The following INSRR variants were observed in gnomAD, a reference collection of about 807,000 sequenced individuals.
INSRR encodes insulin receptor-related protein.
In INSRR, 114 loss-of-function variants were observed where a neutral mutation model predicts 130.0. The ratio of observed to expected loss-of-function variants is 0.88; its 90% CI spans 0.75 to 1.02. The LOEUF is 1.02. Among genes scored for constraint, INSRR ranks in the 50% least tolerant of loss-of-function variants. INSRR has a pLI of 0.00. For missense variants in INSRR, 1,657 were observed against 1,735.2 expected, an observed-to-expected ratio of 0.95 and a Z score of 0.80; for synonymous variants, 674 against 705.2, an observed-to-expected ratio of 0.96 and a Z score of 0.70.
Position 156,843,120 on chromosome 1 carries a change from C to T in INSRR, c.3010G>A (p.Gly1004Arg). 6.2e-7 allele frequency: 1 copy of T among 1,614,180 alleles called. No homozygotes were observed. Among genetic ancestry groups the T allele is most frequent in the Non-Finnish European group, 8.5e-7 (1 of 1,180,026 alleles). ...YEGLARGLEA[G>R]EESTPVALKT... ...AGGGCCACGGGTGTGGACTCCTCTC[C>T]AGCCTCAAGTCCTCGTGCCAGCCCC... is the stretch of plus-strand genomic sequence containing the variant. The change falls in exon 17 of 22, where the codon GGA becomes AGA. Residue 1004 changes from glycine to arginine, a missense_variant. Transcript: ENST00000368195.
At chr1:156,843,918 A>T (rs1035776067) in intron 15 of INSRR, among the ~76,000 whole-genome samples, 3 of 152,230 alleles carry the variant, frequency 2.0e-5, no homozygotes, top group African/African-American at 7.2e-5. Context: ...GGTGACCAAC[A>T]ATCCCAGTGT....
rs753459667 is a variant in INSRR at position 156,840,965 on chromosome 1, C to T, written c.3802G>A (p.Ala1268Thr). ...SFYYSPECRG[A>T]RGSLPTTDAE... Reference sequence around the variant, plus strand: ...TCGGTGGTAGGCAGGGAGCCCCGGGCCCCCCGGCATTCCGGGCTGTAGTAG... The same window carrying T: ...TCGGTGGTAGGCAGGGAGCCCCGGGTCCCCCGGCATTCCGGGCTGTAGTAG... The change falls in exon 22 of 22, where the codon GCC becomes ACC. Residue 1268 changes from alanine to threonine, a missense_variant. Transcript: ENST00000368195. 1.5e-5 allele frequency: 25 copies of T among 1,613,230 alleles called. No individual in the cohort carries two copies. Among genetic ancestry groups the T allele is most frequent in the South Asian group, 3.3e-5 (3 of 90,966 alleles).
At chr1:156,847,436 C>T (rs1161168480) in intron 7 of INSRR, among the ~76,000 whole-genome samples, 2 of 152,042 alleles carry the variant, frequency 1.3e-5, no homozygotes, top group Non-Finnish European at 2.9e-5. Flanking sequence ...GGGGAGATGA[C>T]AGTGGGCCCC....
At position 156,848,946 on chromosome 1, in the gene INSRR, T is replaced by C; in HGVS notation, c.1546A>G (p.Ser516Gly). ...GACTCCTTGTAGTACACGATGAAGC[T>C]GAGCAGGTCGCGGGCCTCCAGTGGC... ...YEPLEARDLLSFIVYYKESPF... is the reference protein window; with the variant it reads ...YEPLEARDLLGFIVYYKESPF... Residue 516 changes from serine to glycine, a missense_variant, in exon 7 of 22, where the codon AGC (serine) becomes GGC (glycine). By Grantham distance (56) the Ser-to-Gly change is moderately conservative (BLOSUM62 0). Transcript: ENST00000368195. 6.3e-7 allele frequency: 1 copy of C among 1,592,328 alleles called. No individual in the cohort carries two copies. The highest frequency in any genetic ancestry group is 1.1e-5 in the South Asian group (1 of 87,688).
At position 156,845,058 on chromosome 1, in the gene INSRR, T is replaced by A. The variant is rs1208253231; in HGVS notation, c.2437+18A>T. ...GGGTCGGTGATGGGGGTAGAAGGTGTGTGTGTGGATCACCTACTGTGGGGC... is the reference window on the plus strand; with the variant it reads ...GGGTCGGTGATGGGGGTAGAAGGTGAGTGTGTGGATCACCTACTGTGGGGC... On this transcript the variant is annotated intron_variant, in intron 12 of 21. Coordinates refer to ENST00000368195, the MANE Select transcript of INSRR (RefSeq NM_014215.3). 6.3e-7 allele frequency: 1 copy of A among 1,594,026 alleles called. No homozygotes were observed. Among genetic ancestry groups the A allele is most frequent in the Non-Finnish European group, 8.5e-7 (1 of 1,171,016 alleles).
At chr1:156,848,872 T>G in intron 7 of INSRR, 49 bp downstream of exon 7, 1 of 1,535,076 alleles carries the variant, frequency 6.5e-7, no homozygotes, top group South Asian at 1.2e-5. Context: ...CCGAAGAAAT[T>G]GGCCTCGTCC....
chr1:156,851,725 G>A lies in INSRR; in HGVS notation c.1005C>T (p.Ile335=). The A allele has an allele frequency of 2.5e-6, 4 of 1,614,176 alleles. No individual in the cohort carries two copies. Among genetic ancestry groups the A allele is most frequent in the Admixed American group, 1.7e-5 (1 of 60,022 alleles). The change falls in exon 4 of 22, where the codon ATC becomes ATT. Residue 335 remains isoleucine, a synonymous_variant. Transcript: ENST00000368195. ...GATCCTGTGCCGCCTGGATGGAGTC[G>A]ATGGTCTTGGTGCCTACCTTGCACT... ...PKECKVGTKT[I]DSIQAAQDLV... is the part of the protein sequence containing the mutation.
intron 12 of INSRR, 107 bp downstream of exon 12, chr1:156,844,969 C>T (rs533050574): frequency 6.5e-7 from 1 of 1,540,260 alleles, no homozygotes; most frequent in Non-Finnish European, 8.8e-7. Context: ...CTGAGAGGGG[C>T]AAGCAAAGCG....
Position 156,846,119 on chromosome 1 carries a change from G to A in INSRR, c.1811C>T (p.Ala604Val), listed in dbSNP as rs1425695953. The change falls in exon 9 of 22, where the codon GCT becomes GTT. Residue 604 changes from alanine (A) to valine (V), a missense_variant and splice_region_variant. By Grantham distance (64) the Ala-to-Val change is moderately conservative. Coordinates refer to ENST00000368195, the MANE Select transcript of INSRR (RefSeq NM_014215.3). ...PIVYLRTLPAAPTVPQDVIST... is the reference protein window; with the variant it reads ...PIVYLRTLPAVPTVPQDVIST... ...GATGACGTCTTGGGGCACCGTGGGAGCTAGGAGTGCGAGAAGGATGCAACT... is the reference window on the plus strand; with the variant it reads ...GATGACGTCTTGGGGCACCGTGGGAACTAGGAGTGCGAGAAGGATGCAACT... 1.9e-6 allele frequency: 3 copies of A among 1,589,322 alleles called. No homozygotes were observed. The highest frequency in any genetic ancestry group is 2.6e-6 in the Non-Finnish European group (3 of 1,167,484).
rs754589437 is a variant in INSRR at position 156,851,963 on chromosome 1, C to T, written c.866G>A (p.Arg289His). The T allele has an allele frequency of 5.1e-5, 82 of 1,607,434 alleles. No individual in the cohort carries two copies. The highest frequency in any genetic ancestry group is 1.6e-4 in the East Asian group (7 of 44,680). ...RCASLHSVPGRASTFGIHQGS... is the reference protein window; with the variant it reads ...RCASLHSVPGHASTFGIHQGS... ...CTGGTGTATGCCGAAGGTGGAGGCA[C>T]GGCCGGGCACAGAGTGCAGGCTGGC... is the stretch of plus-strand genomic sequence containing the variant. The change falls in exon 3 of 22, where the codon CGT becomes CAT. Residue 289 changes from arginine to histidine, a missense_variant. Arg to His is a conservative substitution (Grantham distance 29). Coordinates refer to ENST00000368195, the MANE Select transcript of INSRR (RefSeq NM_014215.3).
In INSRR at chr1:156,846,051, G is replaced by A; in HGVS notation, c.1879C>T (p.Pro627Ser). ...AGGTTCCCATTGCGCTGGGTCGGTG[G>A]CTTCCAGCGCACCAGGAGGTGGGAG... ...SSSHLLVRWK[P>S]PTQRNGNLTY... The change falls in exon 9 of 22, where the codon CCA (proline) becomes TCA (serine). Residue 627 changes from proline to serine, a missense_variant. By Grantham distance (74) the Pro-to-Ser change is moderately conservative. Coordinates refer to ENST00000368195, the MANE Select transcript of INSRR (RefSeq NM_014215.3). The A allele has an allele frequency of 6.2e-7, 1 of 1,613,416 alleles. No homozygotes were observed.
Position 156,841,688 on chromosome 1 carries a change from G to A in INSRR, c.3504C>T (p.Ile1168=), listed in dbSNP as rs866669566. 2 of 1,613,974 alleles carry A rather than the reference G, an allele frequency of 1.2e-6. No homozygotes were observed. Among genetic ancestry groups the A allele is most frequent in the Non-Finnish European group, 1.7e-6 (2 of 1,180,004 alleles). The part of the protein sequence containing the change: ...WMAPESLKDG[I]FTTHSDVWSF... ...ACCAGACATCCGAGTGGGTGGTGAA[G>A]ATCCCATCTTTGAGGGACTCGGGGG... Residue 1168 remains isoleucine, a synonymous_variant, in exon 20 of 22, where the codon ATC becomes ATT. Transcript: ENST00000368195.
intron 6 of INSRR, 94 bp from the exon 7 acceptor site, chr1:156,849,141 TGAG>T: frequency 2.5e-6 from 4 of 1,598,734 alleles, no homozygotes; most frequent in Non-Finnish European, 3.4e-6. Flanking sequence ...GTGAGACCTC[TGAG>T]GAGAACTTCT....
chr1:156,841,286 G>T, intron 21 of INSRR, 108 bp downstream of exon 21: 1 of 1,133,298 alleles, frequency 8.8e-7, no homozygotes, highest in Non-Finnish European at 1.3e-6. Flanking sequence ...ATAGCTGAGG[G>T]TCAGTGGATG....
At chr1:156,843,576 G>C in intron 15 of INSRR, 97 bp from the exon 16 acceptor site, 13 of 1,263,336 alleles carry the variant, frequency 1.0e-5, no homozygotes, top group African/African-American at 1.5e-5. Flanking sequence ...GAGGAGGGAA[G>C]TTACTGACCA....
chr1:156,840,804 G>T lies in INSRR; in HGVS notation c.*69C>A, dbSNP rs751986902. Reference sequence around the variant, plus strand: ...TTGGGGTGGGGGTGAACATTCAGGCGTCTCAGCCACAGAGGTCGGGTCCCT... The same window carrying T: ...TTGGGGTGGGGGTGAACATTCAGGCTTCTCAGCCACAGAGGTCGGGTCCCT... On this transcript the variant is annotated 3_prime_UTR_variant, in exon 22 of 22. Transcript: ENST00000368195. 26 of 1,217,968 alleles carry T rather than the reference G, an allele frequency of 2.1e-5. No individual in the cohort carries two copies. The highest frequency in any genetic ancestry group is 5.1e-4 in the Middle Eastern group (2 of 3,952). 75.4% of individuals were successfully genotyped at this position (1,217,968 alleles called of 1,614,324 possible).
Position 156,849,011 on chromosome 1 carries a change from G to A in INSRR, c.1481C>T (p.Thr494Met), listed in dbSNP as rs767707085. ...TRTLRFVSNV[T>M]EADRILLRWE... The stretch of plus-strand genomic sequence containing the variant: ...GCGTAGCAGGATGCGGTCTGCCTCC[G>A]TCACGTTGGACACGAAGCGCAGGGT... The change falls in exon 7 of 22, where the codon ACG becomes ATG. Residue 494 changes from threonine (T) to methionine (M), a missense_variant. By Grantham distance (81) the Thr-to-Met change is moderately conservative (BLOSUM62 -1). Transcript: ENST00000368195. The A allele has an allele frequency of 6.2e-7, 1 of 1,613,456 alleles. No individual in the cohort carries two copies. The highest frequency in any genetic ancestry group is 1.1e-5 in the South Asian group (1 of 90,964).
In INSRR at chr1:156,843,418, C is replaced by T; in HGVS notation, c.2896+9G>A. 1 of 1,614,100 alleles carries T rather than the reference C, an allele frequency of 6.2e-7. No individual in the cohort carries two copies. The highest frequency in any genetic ancestry group is 8.5e-7 in the Non-Finnish European group (1 of 1,179,916). On this transcript the variant is annotated intron_variant, in intron 16 of 21. Transcript: ENST00000368195. The stretch of plus-strand genomic sequence containing the variant: ...CCCACACCACCTGTCCACCCACTCC[C>T]AGACCTACTATCAGAGGCGCTGAAG...
In INSRR at chr1:156,843,478, T is replaced by A; in HGVS notation, c.2845A>T (p.Asn949Tyr). ...TTCACAGAAGCATACAGGGTTCTGT[T>A]TCTGCAACGGGAGGTGAGGGGGTCA... ...ALGFFYGKKR[N>Y]RTLYASVNPE... is the part of the protein sequence containing the mutation. The change falls in exon 16 of 22, where the codon AAC becomes TAC. Residue 949 changes from asparagine to tyrosine, a missense_variant and splice_region_variant. Transcript: ENST00000368195. 1 of 1,614,168 alleles carries A rather than the reference T, an allele frequency of 6.2e-7. No homozygotes were observed. The highest frequency in any genetic ancestry group is 1.3e-5 in the African/African-American group (1 of 75,040).
Sources: allele counts gnomAD v4.1 joint callset (sites outside exome capture counted in the v4.1 genomes callset), GRCh38; gene constraint gnomAD v4.1.1; transcripts MANE v1.5; gene names NCBI Gene and HGNC (gene_info 2026-07-23, HGNC 2026-07-21).